The following PJVK variants were observed in gnomAD, a reference collection of about 807,000 sequenced individuals.
PJVK encodes autosomal recessive deafness type 59 protein.
PJVK carries 33 observed loss-of-function variants against 37.6 expected under a neutral mutation model. The ratio of observed to expected loss-of-function variants is 0.88; its 90% CI spans 0.67 to 1.17. The LOEUF is 1.17. Among genes scored for constraint, PJVK ranks in the 50% most tolerant of loss-of-function variants. The pLI is 0.00. For missense variants in PJVK, 410 were observed against 413.8 expected, an observed-to-expected ratio of 0.99 and a Z score of 0.08; for synonymous variants, 141 against 143.5, an observed-to-expected ratio of 0.98 and a Z score of 0.13.
chr2:178,458,113 G>A (rs1466906951), intron 4 of PJVK, among the ~76,000 whole-genome samples: 4 of 151,996 alleles, frequency 2.6e-5, no homozygotes, highest in Non-Finnish European at 5.9e-5. Context: ...GATTGTTAGC[G>A]ATTGCTTTAG....
chr2:178,460,101 G>T, intron 5 of PJVK: 2 of 437,782 alleles, frequency 4.6e-6, no homozygotes, highest in South Asian at 5.8e-5. Context: ...CTTAAACCAC[G>T]GGTGCCCCTA....
rs530983027 is a variant in PJVK, at chr2:178,452,208, G to A, written c.-23+439G>A. 5 of 775,154 alleles carry A rather than the reference G, an allele frequency of 6.5e-6. No individual in the cohort carries two copies. In the East Asian group the frequency reaches 5.2e-4, roughly 81 times the overall value. The allele number at this position is 775,154 out of a possible 1,614,324, so 48.0% of individuals were successfully genotyped here. ...CTCGGGAGGCTAAAGCAGGAGAATC[G>A]CTTGAACCCGGGAGGCAAATGTTGC... On this transcript the variant is annotated intron_variant, in intron 1 of 6. Transcript: ENST00000644580.
rs1684057503 is a variant in PJVK at position 178,456,052 on chromosome 2, C to T, written c.450C>T (p.Ser150=). 2.5e-6 allele frequency: 4 copies of T among 1,614,154 alleles called. No homozygotes were observed. In the East Asian group the frequency reaches 8.9e-5, roughly 36 times the overall value. The stretch of plus-strand genomic sequence containing the variant: ...ACAGCTTGATACGTCAGTCAAGGAG[C>T]AGCAGAAAGGCAGTATTGTGTGTGG... ...FDHSLIRQSR[S]SRKAVLCVVM... Residue 150 remains serine (S), a synonymous_variant, in exon 4 of 7, where the codon AGC becomes AGT. Transcript: ENST00000644580.
chr2:178,459,152 A>C, intron 5 of PJVK: 1 of 471,850 alleles, frequency 2.1e-6, no homozygotes, highest in South Asian at 1.6e-5. Context: ...ACCTTGTATA[A>C]TACCTAAGTG....
chr2:178,454,637 A>G, intron 3 of PJVK, 110 bp downstream of exon 3: 5 of 1,432,370 alleles, frequency 3.5e-6, no homozygotes, highest in Non-Finnish European at 4.8e-6. Context: ...TACTAGTGTA[A>G]TTTGCTAGAT....
At position 178,460,415 on chromosome 2, in the gene PJVK, G is replaced by A. The variant is rs532658068; in HGVS notation, c.735G>A (p.Leu245=). 1 of 1,614,012 alleles carries A rather than the reference G, an allele frequency of 6.2e-7. No homozygotes were observed. The highest frequency in any genetic ancestry group is 1.7e-5 in the Admixed American group (1 of 60,022). The change falls in exon 6 of 7, where the codon CTG becomes CTA. Residue 245 remains leucine (L), a synonymous_variant. Coordinates refer to ENST00000644580, the MANE Select transcript of PJVK (RefSeq NM_001042702.5). ...EREETATFAL[L]YRLRNILFER... ...AAGAAACGGCAACATTTGCACTGCT[G>A]TACAGGTTGAGAAATATCCTATTTG...
At position 178,461,237 on chromosome 2, in the gene PJVK, T is replaced by G; in HGVS notation, c.1022T>G (p.Val341Gly). Residue 341 changes from valine (V) to glycine (G), a missense_variant, in exon 7 of 7, where the codon GTT becomes GGT. Physicochemically the swap from Val to Gly is moderately radical, Grantham distance 109. Transcript: ENST00000644580. The part of the protein sequence containing the change: ...DGQKYVRLHA[V>G]PCFDIWHKRM... The stretch of plus-strand genomic sequence containing the variant: ...CAGAAGTATGTGAGACTTCATGCAG[T>G]TCCTTGTTTTGATATTTGGCACAAG... The G allele has an allele frequency of 6.2e-7, 1 of 1,614,174 alleles. No homozygotes were observed. The highest frequency in any genetic ancestry group is 8.5e-7 in the Non-Finnish European group (1 of 1,180,026).
At chr2:178,455,746 C>T (rs930359702) in intron 3 of PJVK, among the ~76,000 whole-genome samples, 1 of 151,886 alleles carries the variant, frequency 6.6e-6, no homozygotes, top group Admixed American at 6.6e-5. Flanking sequence ...TTAAATAATA[C>T]AGCAATCTGT....
intron 3 of PJVK, chr2:178,455,081 A>T: frequency 6.5e-7 from 1 of 1,532,030 alleles, no homozygotes; most frequent in South Asian, 1.1e-5. Flanking sequence ...GCAGCCAGCG[A>T]TCATCGATGG....
At chr2:178,460,081 A>G in intron 5 of PJVK, 1 of 407,554 alleles carries the variant, frequency 2.5e-6, no homozygotes, top group East Asian at 4.7e-5. Context: ...CTGGAAGCAA[A>G]CATAAGAAAC....
chr2:178,456,101 C>T lies in PJVK; in HGVS notation c.499C>T (p.Arg167Ter), dbSNP rs118203989. 1.0e-4 allele frequency: 161 copies of T among 1,613,966 alleles called. No homozygotes were observed. Among genetic ancestry groups the T allele is most frequent in the Non-Finnish European group, 1.3e-4 (153 of 1,179,996 alleles). Residue 167 changes from arginine to a stop codon, truncating the protein, a stop_gained, in exon 4 of 7, where the codon CGA becomes TGA. Coordinates refer to ENST00000644580, the MANE Select transcript of PJVK (RefSeq NM_001042702.5). LOFTEE classifies it high-confidence loss of function. ...CVVMESIRTT[R>*]QCSLSVHAGI... is the part of the protein sequence containing the mutation. ...GGTCATGGAGAGCATCCGAACCACA[C>T]GACAGTGCTCACTGTCTGTGCATGC...
At chr2:178,455,878 T>C in intron 3 of PJVK, 132 bp from the exon 4 acceptor site, 1 of 998,166 alleles carries the variant, frequency 1.0e-6, no homozygotes, top group South Asian at 1.6e-5. Flanking sequence ...GGGTGTATTT[T>C]CTGACTATTA....
chr2:178,453,974 T>G (rs1401885862), intron 2 of PJVK: 3 of 316,296 alleles, frequency 9.5e-6, no homozygotes, highest in Non-Finnish European at 1.9e-5. Flanking sequence ...TTTTTTACAA[T>G]TCAATTATTA....
intron 3 of PJVK, chr2:178,454,786 T>A (rs777522862): frequency 6.4e-6 from 10 of 1,573,364 alleles, no homozygotes; most frequent in Non-Finnish European, 7.8e-6. Flanking sequence ...CAGCTAGAGA[T>A]TGACCAGAAA....
intron 3 of PJVK, 102 bp from the exon 4 acceptor site, chr2:178,455,908 T>C: frequency 3.0e-6 from 4 of 1,332,916 alleles, no homozygotes; most frequent in Non-Finnish European, 4.2e-6. Flanking sequence ...TGATTTACTA[T>C]TAGGTGAACT....
Position 178,461,981 on chromosome 2 carries a change from T to G in PJVK, c.*707T>G, listed in dbSNP as rs1684529364. ...TGTAAGGATGACAAGACTGCACAAG[T>G]AGCAACTTTTGGTGTTTCAACTATT... On this transcript the variant is annotated 3_prime_UTR_variant, in exon 7 of 7. Coordinates refer to ENST00000644580, the MANE Select transcript of PJVK (RefSeq NM_001042702.5). Among the ~76,000 whole-genome samples the G allele has an allele frequency of 6.6e-6, 1 of 152,232 alleles. No homozygotes were observed. The highest frequency in any genetic ancestry group is 2.4e-5 in the African/African-American group (1 of 41,456).
intron 1 of PJVK, 164 bp from the exon 2 acceptor site, chr2:178,453,224 A>G: frequency 1.6e-6 from 1 of 612,420 alleles, no homozygotes; most frequent in Non-Finnish European, 2.9e-6. Flanking sequence ...TCTATAATTC[A>G]TTACCTGAGC....
intron 3 of PJVK, 127 bp from the exon 4 acceptor site, chr2:178,455,883 C>T: frequency 9.5e-7 from 1 of 1,049,526 alleles, no homozygotes. Flanking sequence ...TATTTTCTGA[C>T]TATTAGGATT....
chr2:178,460,019 A>G (rs536208742), intron 5 of PJVK: 47 of 251,810 alleles, frequency 1.9e-4, no homozygotes, highest in African/African-American at 9.7e-4. Context: ...TTTTATACAC[A>G]TACATGTATA....
Sources: gnomAD v4.1 joint callset for allele counts (sites outside exome capture counted in the v4.1 genomes callset) on GRCh38, gnomAD v4.1.1 for gene constraint, MANE v1.5 for transcripts, NCBI Gene and HGNC (gene_info 2026-07-23, HGNC 2026-07-21) for gene names.